The following DMD variants were observed in gnomAD, a reference collection of about 807,000 sequenced individuals.
The protein encoded by DMD is mutant dystrophin.
A neutral mutation model predicts 330.1 loss-of-function variants in DMD; 63 were observed. That is an observed-to-expected ratio of 0.19 (90% CI 0.16 to 0.24). DMD has a LOEUF of 0.24. DMD is among the 10% of genes least tolerant of loss of function. The probability of loss-of-function intolerance (pLI) is 1.00; values close to 1 mark genes in which losing one functional copy is unlikely to be tolerated. For synonymous variants in DMD, 1,223 were observed against 959.8 expected, an observed-to-expected ratio of 1.27 and a Z score of -5.07; for missense variants, 3,344 against 2,684.1, an observed-to-expected ratio of 1.25 and a Z score of -5.43.
At chrX:32,668,616 T>A (rs772106451) in intron 9 of DMD, among the ~76,000 whole-genome samples, 1 of 111,934 alleles carries the variant, frequency 8.9e-6, no homozygotes, top group South Asian at 3.7e-4. Context: ...CAGCAGCAAG[T>A]GTTTTAAAAC....
chrX:33,009,339 CGTGT>C (rs1265081797), intron 2 of DMD, among the ~76,000 whole-genome samples: 349 of 22,636 alleles, frequency 0.015, 92 homozygotes, highest in Middle Eastern at 0.05. Flanking sequence ...TGTATATACA[CGTGT>C]ATATACACAT....
At chrX:33,306,516 A>T (rs1425394250) in intron 1 of DMD, among the ~76,000 whole-genome samples, 1 of 111,233 alleles carries the variant, frequency 9.0e-6, no homozygotes, top group Non-Finnish European at 1.9e-5. Flanking sequence ...ACAACATTTA[A>T]TTGAGGAAAT....
chrX:31,907,138 C>T (rs1311712342), intron 47 of DMD, among the ~76,000 whole-genome samples: 1 of 111,724 alleles, frequency 9.0e-6, no homozygotes, highest in Non-Finnish European at 1.9e-5. Context: ...CAGTAGCAAA[C>T]CCAGAAATAA....
In DMD at chrX:32,739,494, G is replaced by C. The variant is rs144648998; in HGVS notation, c.650-40201C>G. Among the ~76,000 whole-genome samples, 276 of 111,813 alleles carry C rather than the reference G, an allele frequency of 2.5e-3. 8 individuals are homozygous for C. The East Asian group carries it at 0.066, about 27-fold the overall frequency. ...CTTTGGAAAGGTGTATACTACTATG[G>C]AAAAGGTATAGGCAATACTTCTAGT... On this transcript the variant is annotated intron_variant, in intron 7 of 78. Transcript: ENST00000357033.
At chrX:32,141,557 G>T (rs2096753232) in intron 44 of DMD, among the ~76,000 whole-genome samples, 1 of 111,371 alleles carries the variant, frequency 9.0e-6, no homozygotes, top group Non-Finnish European at 1.9e-5. Flanking sequence ...CCCCAAACCT[G>T]CAATTTTTAT....
At chrX:32,541,212 T>G (rs1393162657) in intron 17 of DMD, among the ~76,000 whole-genome samples, 1 of 111,206 alleles carries the variant, frequency 9.0e-6, no homozygotes, top group Non-Finnish European at 1.9e-5. Flanking sequence ...GAGATAATGT[T>G]TATTATGGAA....
chrX:32,827,066 CACA>C (rs1323933506), intron 4 of DMD, among the ~76,000 whole-genome samples: 4 of 30,077 alleles, frequency 1.3e-4, no homozygotes, highest in African/African-American at 5.9e-4. Context: ...ACCCCCCCCC[CACA>C]CACACACACA....
chrX:32,850,980 G>C (rs2081093618), intron 2 of DMD, among the ~76,000 whole-genome samples: 1 of 111,746 alleles, frequency 8.9e-6, no homozygotes, highest in African/African-American at 3.3e-5. Flanking sequence ...AAGGACTAAA[G>C]AACATGTAAC....
chrX:32,804,315 T>G (rs1025191028), intron 7 of DMD, among the ~76,000 whole-genome samples: 2 of 112,134 alleles, frequency 1.8e-5, no homozygotes, highest in Admixed American at 9.4e-5. Flanking sequence ...TTACTGAGGC[T>G]TGAGTAGGCG....
intron 48 of DMD, among the ~76,000 whole-genome samples, chrX:31,850,822 CAAT>C (rs1305242232): frequency 8.9e-6 from 1 of 112,097 alleles, no homozygotes; most frequent in African/African-American, 3.2e-5. Context: ...CTGACAATTA[CAAT>C]ATTATAGTAA....
chrX:32,770,945 A>AT lies in DMD; in HGVS notation c.649+38547dup, dbSNP rs2073532807. Reference sequence around the variant, plus strand: ...GGGAAAGCCTTTCAACTACAGGAACATTTAAAAATAGAGTTGAATGAAATA... The same window carrying AT: ...GGGAAAGCCTTTCAACTACAGGAACATTTTAAAAATAGAGTTGAATGAAATA... On this transcript the variant is annotated intron_variant, in intron 7 of 78. Transcript: ENST00000357033. 5.4e-5 allele frequency among the ~76,000 whole-genome samples: 6 copies of AT among 111,705 alleles called. No individual in the cohort carries two copies. The East Asian group carries it at 1.1e-3, about 21-fold the overall frequency.
chrX:33,158,302 A>G (rs1312825784), intron 1 of DMD, among the ~76,000 whole-genome samples: 1 of 111,607 alleles, frequency 9.0e-6, no homozygotes, highest in Admixed American at 9.6e-5. Flanking sequence ...CAACCTGAAG[A>G]ACGTGAGGGA....
chrX:31,360,285 A>G (rs1013278401), intron 60 of DMD, among the ~76,000 whole-genome samples: 1 of 111,709 alleles, frequency 9.0e-6, no homozygotes, highest in Admixed American at 9.5e-5. Flanking sequence ...CATGATAATA[A>G]AATTCAAGAA....
intron 48 of DMD, among the ~76,000 whole-genome samples, chrX:31,857,390 A>G (rs2093632264): frequency 2.0e-5 from 2 of 101,539 alleles, no homozygotes; most frequent in African/African-American, 7.4e-5. Context: ...GAAAAAAAAA[A>G]AAAAAAAAAA....
At chrX:33,297,009 T>C (rs1216614515) in intron 1 of DMD, among the ~76,000 whole-genome samples, 1 of 111,206 alleles carries the variant, frequency 9.0e-6, no homozygotes, top group Non-Finnish European at 1.9e-5. Flanking sequence ...ACACTTACTG[T>C]TTTAGATAAC....
At chrX:31,464,172 T>C (rs1373429090) in intron 59 of DMD, among the ~76,000 whole-genome samples, 2 of 111,549 alleles carry the variant, frequency 1.8e-5, no homozygotes, top group Non-Finnish European at 3.8e-5. Context: ...ATTATCTGAT[T>C]AAACACTTCT....
chrX:31,999,384 G>A (rs2095610510), intron 44 of DMD, among the ~76,000 whole-genome samples: 1 of 111,682 alleles, frequency 9.0e-6, no homozygotes, highest in Non-Finnish European at 1.9e-5. Flanking sequence ...TAAATACATA[G>A]CATTGCATAA....
chrX:33,264,951 C>T (rs1397710318), intron 1 of DMD, among the ~76,000 whole-genome samples: 1 of 110,340 alleles, frequency 9.1e-6, no homozygotes, highest in African/African-American at 3.3e-5. Flanking sequence ...ATTATGGAAA[C>T]TCAGAGGTTT....
At chrX:31,155,123 G>T (rs1314129999) in intron 74 of DMD, among the ~76,000 whole-genome samples, 1 of 112,394 alleles carries the variant, frequency 8.9e-6, no homozygotes, top group East Asian at 2.8e-4. Flanking sequence ...AACTCAACCT[G>T]CTGAAAACAT....
Sources: gnomAD v4.1 joint callset for allele counts (sites outside exome capture counted in the v4.1 genomes callset) on GRCh38, gnomAD v4.1.1 for gene constraint, MANE v1.5 for transcripts, NCBI Gene and HGNC (gene_info 2026-07-23, HGNC 2026-07-21) for gene names.